Variants in ESRRB observed in about 807,000 individuals in gnomAD.
The protein encoded by ESRRB is estrogen related receptor beta.
In ESRRB, 16 loss-of-function variants were observed where a neutral mutation model predicts 46.0. The observed-to-expected ratio is 0.35, with a 90% CI of 0.24 to 0.53. The LOEUF (loss-of-function observed/expected upper bound fraction) is 0.53, where lower values mean the gene tolerates loss of function less well. ESRRB is among the 20% of genes least tolerant of loss of function. The pLI, the probability that ESRRB is intolerant of heterozygous loss-of-function variation, is 0.93. For missense variants in ESRRB, 488 were observed against 607.4 expected (o/e 0.80, Z 2.07); for synonymous variants, 246 against 259.6 (o/e 0.95, Z 0.50).
chr14:76,378,735 G>A (rs1249305227), intron 1 of ESRRB, among the ~76,000 whole-genome samples: 1 of 152,152 alleles, frequency 6.6e-6, no homozygotes, highest in Non-Finnish European at 1.5e-5. Context: ...CGAGCTTGTG[G>A]AGGTCTGGGG....
At chr14:76,435,372 G>C (rs561028070) in intron 1 of ESRRB, among the ~76,000 whole-genome samples, 49 of 152,380 alleles carry the variant, frequency 3.2e-4, no homozygotes, top group African/African-American at 1.1e-3. Context: ...GTGCACTTGT[G>C]TTGGCTTAGT....
chr14:76,444,307 A>G (rs1199159947), intron 2 of ESRRB, among the ~76,000 whole-genome samples: 1 of 152,146 alleles, frequency 6.6e-6, no homozygotes, highest in African/African-American at 2.4e-5. Context: ...TGCTGGGATT[A>G]TAGGCGTGAG....
chr14:76,436,583 G>T (rs1887683876), intron 1 of ESRRB, among the ~76,000 whole-genome samples: 1 of 152,162 alleles, frequency 6.6e-6, no homozygotes, highest in South Asian at 2.1e-4. Flanking sequence ...TTAGGATGTG[G>T]TCAGCTCTAT....
At chr14:76,493,931 T>A (rs1030516355) in intron 6 of ESRRB, among the ~76,000 whole-genome samples, 5 of 152,242 alleles carry the variant, frequency 3.3e-5, no homozygotes, top group Non-Finnish European at 5.9e-5. Context: ...TGGACCCACA[T>A]GGGTACAAAA....
rs1890591218 is a variant in ESRRB, at chr14:76,499,811, A to G, written c.*1353A>G. ...CACTCTATTTCTGTGGATGGCCGTG[A>G]AAGTTTTCACTAACTCAAGGGGCAG... On this transcript the variant is annotated 3_prime_UTR_variant, in exon 7 of 7. Transcript: ENST00000644823. 6.6e-7 allele frequency: 1 copy of G among 1,507,942 alleles called. No homozygotes were observed. Among genetic ancestry groups the G allele is most frequent in the Non-Finnish European group, 9.2e-7 (1 of 1,083,314 alleles). The allele number at this position is 1,507,942 out of a possible 1,614,324, so 93.4% of individuals were successfully genotyped here. A position where few individuals can be genotyped will look rare whatever the true frequency, so the allele number is the denominator to read the frequency against.
chr14:76,391,275 C>A (rs535100275), intron 1 of ESRRB, among the ~76,000 whole-genome samples: 1 of 152,278 alleles, frequency 6.6e-6, no homozygotes, highest in South Asian at 2.1e-4. Context: ...TGGGTCCCAG[C>A]CAACCCAGGC....
chr14:76,467,500 CAAAA>C (rs397709875), intron 3 of ESRRB, among the ~76,000 whole-genome samples: 4 of 91,718 alleles, frequency 4.4e-5, no homozygotes, highest in Non-Finnish European at 4.5e-5. Flanking sequence ...GCCTCTGTCT[CAAAA>C]AAAAAAAAAA....
Position 76,429,179 on chromosome 14 carries a change from T to C in ESRRB, c.51-10162T>C, listed in dbSNP as rs1309908419. 2.0e-5 allele frequency among the ~76,000 whole-genome samples: 3 copies of C among 152,160 alleles called. No homozygotes were observed. In the East Asian group the frequency reaches 5.8e-4, roughly 29 times the overall value. ...TCCTCCAGAACAGGTCACCACTTGC[T>C]GTGTCTCTATTGCCCCCATCAGCCC... On this transcript the variant is annotated intron_variant, in intron 1 of 6. Coordinates refer to ENST00000644823, the MANE Select transcript of ESRRB (RefSeq NM_001379180.1).
At chr14:76,426,089 A>G (rs1467141603) in intron 1 of ESRRB, among the ~76,000 whole-genome samples, 1 of 152,236 alleles carries the variant, frequency 6.6e-6, no homozygotes, top group African/African-American at 2.4e-5. Context: ...CGGCAGAAGC[A>G]GGTCTTGCCC....
At chr14:76,377,825 G>A (rs1264641933) in intron 1 of ESRRB, among the ~76,000 whole-genome samples, 1 of 152,220 alleles carries the variant, frequency 6.6e-6, no homozygotes, top group Non-Finnish European at 1.5e-5. Flanking sequence ...CATGGCTTGT[G>A]TTGTTGACCA....
intron 1 of ESRRB, among the ~76,000 whole-genome samples, chr14:76,385,237 C>A (rs1235150935): frequency 6.7e-6 from 1 of 148,518 alleles, no homozygotes; most frequent in Non-Finnish European, 1.5e-5. Context: ...AACAACCAAA[C>A]CTCAAAGCTT....
chr14:76,465,170 G>A (rs946317969), intron 3 of ESRRB, among the ~76,000 whole-genome samples: 9 of 152,190 alleles, frequency 5.9e-5, no homozygotes, highest in Non-Finnish European at 1.0e-4. Context: ...ACAGGGGCTG[G>A]GGTGAGATGA....
chr14:76,334,838 A>G (rs544404357), intron 1 of ESRRB, among the ~76,000 whole-genome samples: 2 of 152,178 alleles, frequency 1.3e-5, no homozygotes, highest in Non-Finnish European at 2.9e-5. Flanking sequence ...GCTGGTAGAA[A>G]CTGGGGATAC....
chr14:76,407,041 T>G (rs1411838234), intron 1 of ESRRB, among the ~76,000 whole-genome samples: 2 of 152,198 alleles, frequency 1.3e-5, no homozygotes, highest in African/African-American at 4.8e-5. Flanking sequence ...ATCTTGGCCC[T>G]CCCTGCCTCC....
intron 1 of ESRRB, among the ~76,000 whole-genome samples, chr14:76,427,383 A>G (rs1362046366): frequency 6.6e-6 from 1 of 151,896 alleles, no homozygotes; most frequent in Non-Finnish European, 1.5e-5. Context: ...GTGTACATGC[A>G]TGTGCACAGA....
At chr14:76,341,365 T>A (rs1884190102) in intron 1 of ESRRB, among the ~76,000 whole-genome samples, 1 of 152,200 alleles carries the variant, frequency 6.6e-6, no homozygotes, top group South Asian at 2.1e-4. Flanking sequence ...TACCTCAACA[T>A]TCACACCTCA....
chr14:76,456,819 G>C (rs928618135), intron 2 of ESRRB, among the ~76,000 whole-genome samples: 4 of 152,184 alleles, frequency 2.6e-5, no homozygotes, highest in Non-Finnish European at 5.9e-5. Context: ...CATGGGTGAG[G>C]GGGAGGATCG....
intron 1 of ESRRB, among the ~76,000 whole-genome samples, chr14:76,360,418 A>AGAGT (rs1884449036): frequency 6.6e-6 from 1 of 151,450 alleles, no homozygotes; most frequent in Admixed American, 6.6e-5. Context: ...AGAGAGAGAG[A>AGAGT]CAGAGAGAGA....
chr14:76,407,744 C>A, intron 1 of ESRRB: 1 of 276,394 alleles, frequency 3.6e-6, no homozygotes, highest in Non-Finnish European at 5.5e-6. Context: ...ACATTACTGC[C>A]TGGTGACCTT....
Sources: gnomAD v4.1 joint callset for allele counts (sites outside exome capture counted in the v4.1 genomes callset) on GRCh38, gnomAD v4.1.1 for gene constraint, MANE v1.5 for transcripts, NCBI Gene and HGNC (gene_info 2026-07-23, HGNC 2026-07-21) for gene names.